The following TRIO variants were observed in gnomAD, a reference collection of about 807,000 sequenced individuals.
TRIO encodes trio Rho guanine nucleotide exchange factor.
Under a neutral mutation model 351.9 loss-of-function variants are expected in TRIO, and 58 were observed. That is an observed-to-expected ratio of 0.16 (90% confidence interval 0.13 to 0.21). The LOEUF is 0.21. TRIO is among the 10% of genes least tolerant of loss of function. The pLI is 1.00. For missense variants in TRIO, 3,201 were observed against 4,027.8 expected (o/e 0.79, Z 5.56); for synonymous variants, 1,758 against 1,595.7 (o/e 1.10, Z -2.42).
Position 14,297,241 on chromosome 5 carries a change from T to A in TRIO, c.1346T>A (p.Ile449Asn). The A allele has an allele frequency of 1.2e-6, 2 of 1,613,938 alleles. No individual in the cohort carries two copies. The highest frequency in any genetic ancestry group is 2.7e-5 in the African/African-American group (2 of 75,040). Residue 449 changes from isoleucine to asparagine, a missense_variant, in exon 7 of 57, where the codon ATT (isoleucine) becomes AAT (asparagine). By Grantham distance (149) the Ile-to-Asn change is moderately radical (BLOSUM62 -3). Transcript: ENST00000344204. Reference sequence around the variant, plus strand: ...AGCACCTTGCTGGACATGTCCTCCATTTTCCACCAGAAGGCCGAAAAGGTC... The same window carrying A: ...AGCACCTTGCTGGACATGTCCTCCAATTTCCACCAGAAGGCCGAAAAGGTC... ...ERSTLLDMSSIFHQKAEKYMS... is the reference protein window; with the variant it reads ...ERSTLLDMSSNFHQKAEKYMS...
chr5:14,173,688 C>T (rs1193802539), intron 1 of TRIO, among the ~76,000 whole-genome samples: 1 of 152,190 alleles, frequency 6.6e-6, no homozygotes, highest in Non-Finnish European at 1.5e-5. Context: ...AGAGCAGAAT[C>T]GAAGAGCTCT....
intron 40 of TRIO, among the ~76,000 whole-genome samples, chr5:14,476,441 AT>A (rs1371636229): frequency 6.6e-6 from 1 of 152,164 alleles, no homozygotes; most frequent in Non-Finnish European, 1.5e-5. Flanking sequence ...GTTTCCATAT[AT>A]TTGTTAAATA....
chr5:14,409,948 C>T (rs1579574111), intron 33 of TRIO, among the ~76,000 whole-genome samples: 1 of 152,088 alleles, frequency 6.6e-6, no homozygotes, highest in Non-Finnish European at 1.5e-5. Context: ...CAGCCTGCCA[C>T]GCAGCAACAC....
chr5:14,348,657 CTG>C lies in TRIO; in HGVS notation c.2047-9515_2047-9514del, dbSNP rs999666665. 7.6e-5 allele frequency among the ~76,000 whole-genome samples: 11 copies of C among 144,708 alleles called. No homozygotes were observed. In the East Asian group the frequency reaches 1.2e-3, roughly 15 times the overall value. The allele number at this position is 144,708 out of a possible 152,430, so 94.9% of individuals were successfully genotyped here. A position where few individuals can be genotyped will look rare whatever the true frequency, so the allele number is the denominator to read the frequency against. ...AAACATGCATGTGAACCTGTTTTTC[CTG>C]TGTGTATATGTGTGTGTACGCACAT... On this transcript the variant is annotated intron_variant, in intron 11 of 56. Coordinates refer to ENST00000344204, the MANE Select transcript of TRIO (RefSeq NM_007118.4).
chr5:14,438,180 C>T (rs944233797), intron 34 of TRIO, among the ~76,000 whole-genome samples: 1 of 152,214 alleles, frequency 6.6e-6, no homozygotes, highest in Admixed American at 6.5e-5. Context: ...CTCTGACCCA[C>T]CCCATTCGCT....
At chr5:14,196,422 C>CAAAAAA (rs71597902) in intron 1 of TRIO, among the ~76,000 whole-genome samples, 5 of 101,650 alleles carry the variant, frequency 4.9e-5, no homozygotes, top group South Asian at 4.0e-4. Flanking sequence ...GACTCCGTCT[C>CAAAAAA]AAAAAAAAAA....
chr5:14,208,204 C>T (rs778752700), intron 1 of TRIO, among the ~76,000 whole-genome samples: 46 of 152,142 alleles, frequency 3.0e-4, no homozygotes, highest in Non-Finnish European at 3.4e-4. Context: ...GACTTTTCTA[C>T]GAATGTACAG....
At chr5:14,477,987 A>G (rs980698199) in intron 41 of TRIO, among the ~76,000 whole-genome samples, 1 of 152,238 alleles carries the variant, frequency 6.6e-6, no homozygotes, top group Non-Finnish European at 1.5e-5. Flanking sequence ...TTGCCTTGAA[A>G]TGACAGGCTT....
intron 34 of TRIO, among the ~76,000 whole-genome samples, chr5:14,436,434 C>T (rs1448811397): frequency 1.3e-5 from 2 of 151,890 alleles, no homozygotes; most frequent in Non-Finnish European, 2.9e-5. Context: ...ACAGCCAAAC[C>T]GTATCATTCC....
intron 1 of TRIO, among the ~76,000 whole-genome samples, chr5:14,202,622 A>T (rs1379376573): frequency 1.3e-5 from 2 of 150,910 alleles, no homozygotes; most frequent in African/African-American, 2.4e-5. Context: ...GGTTTACCCC[A>T]TACTGTTCTC....
At chr5:14,197,560 A>G in intron 1 of TRIO, among the ~76,000 whole-genome samples, 2 of 152,242 alleles carry the variant, frequency 1.3e-5, no homozygotes, top group East Asian at 3.8e-4. Context: ...AATTATAAGC[A>G]TCTCATATGG....
intron 13 of TRIO, 36 bp from the exon 14 acceptor site, chr5:14,363,695 TA>T: frequency 6.3e-7 from 1 of 1,593,448 alleles, no homozygotes; most frequent in Non-Finnish European, 8.6e-7. Context: ...GCTGCATGTA[TA>T]TTTTTTTTGT....
intron 1 of TRIO, among the ~76,000 whole-genome samples, chr5:14,170,508 C>A (rs1043920084): frequency 7.5e-6 from 1 of 133,786 alleles, no homozygotes; most frequent in East Asian, 2.1e-4. Context: ...GCTTCTCTCT[C>A]TTTTTTTTTT....
chr5:14,334,804 G>A (rs73059562), intron 10 of TRIO, among the ~76,000 whole-genome samples: 5,370 of 152,264 alleles, frequency 0.035, 314 homozygotes, highest in African/African-American at 0.12. Context: ...CTGCAGGTGC[G>A]GCCTCTGATG....
chr5:14,424,653 G>C (rs1006019942), intron 34 of TRIO, among the ~76,000 whole-genome samples: 3 of 152,204 alleles, frequency 2.0e-5, no homozygotes, highest in African/African-American at 7.2e-5. Context: ...ACCAAGATCA[G>C]CTCTCAGGCT....
intron 1 of TRIO, among the ~76,000 whole-genome samples, chr5:14,177,772 TG>T (rs1314463718): frequency 6.6e-6 from 1 of 152,104 alleles, no homozygotes; most frequent in Non-Finnish European, 1.5e-5. Flanking sequence ...CTGCCTGTCT[TG>T]AGGGCTGAGT....
rs748589681 is a variant in TRIO at position 14,290,718 on chromosome 5, A to C, written c.543A>C (p.Thr181=). ...TACGTGATTTTTTTTCCCTTAAGAC[A>C]AATATGGTCTCTTTAGAAGGCCTTA... ...NFGSSKFEFE[T]NMVSLEGLTK... is the part of the protein sequence containing the mutation. Residue 181 remains threonine, a splice_region_variant and synonymous_variant, in exon 5 of 57, where the codon ACA becomes ACC. Coordinates refer to ENST00000344204, the MANE Select transcript of TRIO (RefSeq NM_007118.4). The C allele has an allele frequency of 1.3e-6, 2 of 1,593,418 alleles. No homozygotes were observed.
chr5:14,423,945 T>G (rs2152392611), intron 34 of TRIO, among the ~76,000 whole-genome samples: 1 of 151,036 alleles, frequency 6.6e-6, no homozygotes, highest in East Asian at 1.9e-4. Flanking sequence ...TTTTTTTTTT[T>G]TTGCTGAAAT....
At chr5:14,217,367 C>T (rs1341978045) in intron 1 of TRIO, among the ~76,000 whole-genome samples, 3 of 152,172 alleles carry the variant, frequency 2.0e-5, no homozygotes, top group African/African-American at 4.8e-5. Context: ...TTTCTGGGCC[C>T]CTTTCTTGCC....
Sources: gnomAD v4.1 joint callset for allele counts (sites outside exome capture counted in the v4.1 genomes callset) on GRCh38, gnomAD v4.1.1 for gene constraint, MANE v1.5 for transcripts, NCBI Gene and HGNC (gene_info 2026-07-23, HGNC 2026-07-21) for gene names.